The following AHR variants were observed in gnomAD, a reference collection of about 807,000 sequenced individuals.
AHR encodes the protein aryl hydrocarbon receptor, also known as AH-receptor.
A neutral mutation model predicts 86.8 loss-of-function variants in AHR; 40 were observed. The observed-to-expected ratio is 0.46, with a 90% CI of 0.36 to 0.60. The LOEUF is 0.60. AHR is among the 20% of genes least tolerant of loss of function. AHR has a pLI of 0.00. For synonymous variants in AHR, 398 were observed against 354.9 expected (o/e 1.12, Z -1.37); for missense variants, 1,001 against 1,011.6 (o/e 0.99, Z 0.14).
At position 17,343,832 on chromosome 7, in the gene AHR, T is replaced by C. The variant is rs1782452333; in HGVS notation, c.*768T>C. 1 of 152,576 alleles carries C rather than the reference T, an allele frequency of 6.6e-6. No homozygotes were observed. The highest frequency in any genetic ancestry group is 2.4e-5 in the African/African-American group (1 of 41,454). The allele number at this position is 152,576 out of a possible 1,614,324, so 9.5% of individuals were successfully genotyped here. ...AAAAATAATTATTTATTACATAATT[T>C]AGTTGTTTCTAGACTATAAATGTTG... On this transcript the variant is annotated 3_prime_UTR_variant, in exon 11 of 11. Transcript: ENST00000242057.
intron 2 of AHR, among the ~76,000 whole-genome samples, chr7:17,317,285 T>C (rs1032540418): frequency 2.0e-5 from 3 of 152,086 alleles, no homozygotes; most frequent in Admixed American, 2.0e-4. Flanking sequence ...TACTTACATA[T>C]ACTGTTTTCT....
intron 2 of AHR, among the ~76,000 whole-genome samples, chr7:17,318,801 C>T (rs1019032794): frequency 3.9e-5 from 6 of 151,906 alleles, no homozygotes; most frequent in Admixed American, 2.0e-4. Context: ...CATGAACAGC[C>T]GATTAATGTG....
In AHR at chr7:17,339,381, A is replaced by C. The variant is rs746557881; in HGVS notation, c.1556A>C (p.Asp519Ala). The C allele has an allele frequency of 6.2e-7, 1 of 1,614,230 alleles. No homozygotes were observed. Among genetic ancestry groups the C allele is most frequent in the African/African-American group, 1.3e-5 (1 of 75,072 alleles). ...LKHEQIDQPQ[D>A]VNSFAGGHPG... ...CATGAGCAAATTGACCAGCCTCAGG[A>C]TGTGAACTCATTTGCTGGAGGTCAC... The change falls in exon 10 of 11, where the codon GAT (aspartate) becomes GCT (alanine). Residue 519 changes from aspartate to alanine, a missense_variant. Physicochemically the swap from Asp to Ala is moderately radical, Grantham distance 126. This residue lies in a region of AHR where 607 missense variants were observed against 543.1 expected (regional missense o/e 1.12). Coordinates refer to ENST00000242057, the MANE Select transcript of AHR (RefSeq NM_001621.5).
chr7:17,330,454 C>G (rs917626045), intron 5 of AHR, among the ~76,000 whole-genome samples: 35 of 151,764 alleles, frequency 2.3e-4, no homozygotes, highest in African/African-American at 7.7e-4. Context: ...AAATGCTTTT[C>G]TCAATGCAAA....
intron 9 of AHR, among the ~76,000 whole-genome samples, chr7:17,337,840 TG>T (rs1221160156): frequency 6.6e-6 from 1 of 152,132 alleles, no homozygotes; most frequent in Non-Finnish European, 1.5e-5. Context: ...CCTGTTTTTC[TG>T]TTGAGTTGTT....
intron 1 of AHR, among the ~76,000 whole-genome samples, chr7:17,309,468 A>G (rs926462598): frequency 6.6e-6 from 1 of 152,244 alleles, no homozygotes; most frequent in Non-Finnish European, 1.5e-5. Flanking sequence ...AGCTGGTGAT[A>G]TGAAGATAAA....
At chr7:17,315,890 C>A (rs1215212117) in intron 2 of AHR, among the ~76,000 whole-genome samples, 3 of 151,916 alleles carry the variant, frequency 2.0e-5, no homozygotes, top group African/African-American at 7.3e-5. Flanking sequence ...CGTTTATTTG[C>A]TTATGGCTGG....
chr7:17,335,605 T>A, intron 8 of AHR, 40 bp from the exon 9 acceptor site: 1 of 1,498,198 alleles, frequency 6.7e-7, no homozygotes, highest in African/African-American at 1.4e-5. Context: ...ACTATATTGA[T>A]TTGGGGGTTT....
chr7:17,305,662 G>A (rs1356683834), intron 1 of AHR, among the ~76,000 whole-genome samples: 1 of 152,134 alleles, frequency 6.6e-6, no homozygotes, highest in Non-Finnish European at 1.5e-5. Context: ...TACTGTGAGA[G>A]GCAATCTCTT....
intron 1 of AHR, among the ~76,000 whole-genome samples, chr7:17,303,863 T>C (rs1781979342): frequency 6.6e-6 from 1 of 152,110 alleles, no homozygotes; most frequent in African/African-American, 2.4e-5. Context: ...ACTAATTACA[T>C]TCCATCATCA....
rs780694305 is a variant in AHR at position 17,333,965 on chromosome 7, G to A, written c.759G>A (p.Gly253=). The stretch of plus-strand genomic sequence containing the variant: ...ATCTTCATGGACAGAAAAAGAAAGG[G>A]AAAGATGGATCAATACTTCCACCTC... The part of the protein sequence containing the change: ...LKYLHGQKKK[G]KDGSILPPQL... Residue 253 remains glycine (G), a synonymous_variant, in exon 7 of 11, where the codon GGG becomes GGA. Coordinates refer to ENST00000242057, the MANE Select transcript of AHR (RefSeq NM_001621.5). The A allele has an allele frequency of 2.2e-5, 35 of 1,613,310 alleles. No homozygotes were observed. Among genetic ancestry groups the A allele is most frequent in the Non-Finnish European group, 2.7e-5 (32 of 1,179,512 alleles).
intron 1 of AHR, among the ~76,000 whole-genome samples, chr7:17,308,514 A>G (rs1272949875): frequency 6.6e-6 from 1 of 152,200 alleles, no homozygotes; most frequent in East Asian, 1.9e-4. Context: ...GAGGTAGACA[A>G]GCATTATAGG....
At chr7:17,313,313 A>G (rs1782084629) in intron 2 of AHR, among the ~76,000 whole-genome samples, 1 of 152,096 alleles carries the variant, frequency 6.6e-6, no homozygotes, top group Non-Finnish European at 1.5e-5. Context: ...GTGCAGTTGG[A>G]CCCACTCTTC....
intron 1 of AHR, among the ~76,000 whole-genome samples, chr7:17,305,623 C>T (rs1018772862): frequency 4.6e-5 from 7 of 152,016 alleles, no homozygotes; most frequent in South Asian, 2.1e-4. Flanking sequence ...TAAATCACCC[C>T]GAGGAAAAAT....
At chr7:17,319,525 C>T (rs949867530) in intron 2 of AHR, among the ~76,000 whole-genome samples, 4 of 152,072 alleles carry the variant, frequency 2.6e-5, no homozygotes, top group African/African-American at 9.7e-5. Context: ...GTGTCAGTCT[C>T]ATAGAACTAT....
At chr7:17,312,161 C>T (rs572321328) in intron 2 of AHR, among the ~76,000 whole-genome samples, 5 of 152,320 alleles carry the variant, frequency 3.3e-5, no homozygotes, top group Admixed American at 2.6e-4. Flanking sequence ...CTAGCATTTA[C>T]TCACATGCTG....
At chr7:17,335,229 A>C (rs1782342516) in intron 8 of AHR, among the ~76,000 whole-genome samples, 1 of 152,056 alleles carries the variant, frequency 6.6e-6, no homozygotes, top group African/African-American at 2.4e-5. Flanking sequence ...TTGGCCCATG[A>C]AGTTTTGCTT....
intron 9 of AHR, among the ~76,000 whole-genome samples, chr7:17,337,536 G>A (rs373355416): frequency 8.1e-5 from 12 of 148,782 alleles, no homozygotes; most frequent in East Asian, 3.9e-4. Flanking sequence ...GTGCAGTGGC[G>A]GGATCTCGGC....
intron 1 of AHR, among the ~76,000 whole-genome samples, chr7:17,308,031 T>A (rs1782023368): frequency 6.6e-6 from 1 of 152,168 alleles, no homozygotes; most frequent in Non-Finnish European, 1.5e-5. Flanking sequence ...TTTATTTTTC[T>A]TCTTAGCACT....
Sources: allele counts gnomAD v4.1 joint callset (sites outside exome capture counted in the v4.1 genomes callset), GRCh38; gene constraint gnomAD v4.1.1; regional missense constraint gnomAD v4.1.1; transcripts MANE v1.5; gene names NCBI Gene and HGNC (gene_info 2026-07-23, HGNC 2026-07-21).